Variants in MKLN1 observed in about 807,000 individuals in gnomAD.
MKLN1 encodes muskelin 1.
In MKLN1, 18 loss-of-function variants were observed where a neutral mutation model predicts 99.0. The observed-to-expected ratio is 0.18, with a 90% CI of 0.13 to 0.27. The LOEUF is 0.27. MKLN1 is among the 10% of genes least tolerant of loss of function. The pLI, the probability that MKLN1 is intolerant of heterozygous loss-of-function variation, is 1.00. For missense variants in MKLN1, 621 were observed against 875.9 expected, an observed-to-expected ratio of 0.71 and a Z score of 3.67; for synonymous variants, 288 against 293.2, an observed-to-expected ratio of 0.98 and a Z score of 0.18.
intron 1 of MKLN1, among the ~76,000 whole-genome samples, chr7:131,360,001 G>C (rs1172800437): frequency 6.6e-6 from 1 of 151,902 alleles, no homozygotes; most frequent in Non-Finnish European, 1.5e-5. Flanking sequence ...CACCCGCCTC[G>C]GCCTCCCAAA....
At chr7:131,175,536 G>T (rs1324380582) in intron 2 of MKLN1, among the ~76,000 whole-genome samples, 2 of 152,198 alleles carry the variant, frequency 1.3e-5, no homozygotes, top group East Asian at 3.8e-4. Context: ...AGTTAGGAAA[G>T]ATTTTGGACA....
chr7:131,386,721 A>T (rs1013902504), intron 2 of MKLN1, among the ~76,000 whole-genome samples: 1 of 152,232 alleles, frequency 6.6e-6, no homozygotes, highest in African/African-American at 2.4e-5. Flanking sequence ...TGCCGCTTTC[A>T]AACATTGGTT....
intron 1 of MKLN1, among the ~76,000 whole-genome samples, chr7:131,360,712 T>G (rs1188915734): frequency 2.0e-5 from 3 of 152,170 alleles, no homozygotes; most frequent in Non-Finnish European, 4.4e-5. Flanking sequence ...AAATACATGT[T>G]TTAATTTTAT....
At chr7:131,275,546 TATATATATATATATATATA>T (rs1420928170) in intron 3 of MKLN1, among the ~76,000 whole-genome samples, 1 of 19,698 alleles carries the variant, frequency 5.1e-5, no homozygotes, top group African/African-American at 1.9e-4. Flanking sequence ...TATATATATA[TATATATATATATATATATA>T]TATTTTTTTT....
Position 131,283,392 on chromosome 7 carries a change from CCTTCCTTCCTCT to C in MKLN1, c.-179+80421_-179+80432del, listed in dbSNP as rs1397973678. 9.8e-3 allele frequency among the ~76,000 whole-genome samples: 961 copies of C among 98,418 alleles called. 3 individuals carry two copies. Among genetic ancestry groups the C allele is most frequent in the East Asian group, 0.029 (80 of 2,774 alleles). 64.6% of individuals were successfully genotyped at this position (98,418 alleles called of 152,430 possible). The stretch of plus-strand genomic sequence containing the variant: ...TCCTTCCTTCCTTCCTTCCTTCCTT[CCTTCCTTCCTCT>C]CTCTCTCTTTACTGCTTTCTTTCTT... On this transcript the variant is annotated intron_variant, in intron 3 of 7. Coordinates refer to the MKLN1 transcript ENST00000416992.
chr7:131,447,237 T>C (rs1796042067), intron 12 of MKLN1, among the ~76,000 whole-genome samples: 1 of 152,220 alleles, frequency 6.6e-6, no homozygotes, highest in Non-Finnish European at 1.5e-5. Flanking sequence ...AATAGCAGCT[T>C]AGCATGTGAT....
intron 3 of MKLN1, among the ~76,000 whole-genome samples, chr7:131,262,132 AT>A (rs201151870): frequency 2.6e-5 from 4 of 151,774 alleles, no homozygotes; most frequent in East Asian, 1.9e-4. Context: ...CTAAAAAAAG[AT>A]TTTTTTTTAA....
Position 131,487,736 on chromosome 7 carries a change from G to A in MKLN1, c.*8G>A. ...GACCTCATCACACTGTAACTGAAGA[G>A]TCACTGGACACAGAAATGGAAAACA... On this transcript the variant is annotated 3_prime_UTR_variant, in exon 18 of 18. Transcript: ENST00000352689. This position sits in a 1 kb window ranked among gnomAD's most constrained non-coding sequence, Gnocchi z 4.7. The A allele has an allele frequency of 6.2e-7, 1 of 1,606,366 alleles. No homozygotes were observed. Among genetic ancestry groups the A allele is most frequent in the Non-Finnish European group, 8.5e-7 (1 of 1,177,498 alleles).
chr7:131,368,792 A>G (rs2066043422), intron 1 of MKLN1, among the ~76,000 whole-genome samples: 1 of 152,204 alleles, frequency 6.6e-6, no homozygotes, highest in African/African-American at 2.4e-5. Context: ...GTTTGCTGTC[A>G]TGTCAACTAT....
chr7:131,174,098 G>A lies in MKLN1; in HGVS notation c.-296-28759G>A, dbSNP rs889890670. 5.4e-5 allele frequency among the ~76,000 whole-genome samples: 8 copies of A among 147,740 alleles called. No homozygotes were observed. The Admixed American group carries it at 5.5e-4, about 10-fold the overall frequency. On this transcript the variant is annotated intron_variant, in intron 2 of 7. Coordinates refer to the MKLN1 transcript ENST00000416992. ...CGCCATTCTCCCGCCTCAGCCTCCC[G>A]AGTAGCTGGGACTACAGGTGCCCGC...
rs1797548129 is a variant in MKLN1 at position 131,495,990 on chromosome 7, A to G, written c.*8262A>G. ...ATGAGCTATTGTCAAAAGCCAAAAG[A>G]AAAACAGACAAAATGAACATGAAGC... is the stretch of plus-strand genomic sequence containing the variant. On this transcript the variant is annotated 3_prime_UTR_variant, in exon 18 of 18. Coordinates refer to ENST00000352689, the MANE Select transcript of MKLN1 (RefSeq NM_013255.5). The G allele has an allele frequency of 6.6e-6, 1 of 151,296 alleles. No homozygotes were observed. Among genetic ancestry groups the G allele is most frequent in the African/African-American group, 2.5e-5 (1 of 40,558 alleles). The allele number at this position is 151,296 out of a possible 1,614,324, so 9.4% of individuals were successfully genotyped here.
intron 1 of MKLN1, among the ~76,000 whole-genome samples, chr7:131,116,272 A>G (rs1196137283): frequency 1.3e-5 from 2 of 152,060 alleles, no homozygotes; most frequent in Admixed American, 1.3e-4. Context: ...ATCAAGAATC[A>G]GTCTTAGTGT....
chr7:131,206,642 A>G (rs1322085291), intron 3 of MKLN1, among the ~76,000 whole-genome samples: 2 of 151,516 alleles, frequency 1.3e-5, no homozygotes, highest in South Asian at 4.2e-4. Flanking sequence ...TGCAACCTCA[A>G]ACTCCTGGGT....
chr7:131,174,953 TGATAGATAGATAGATA>T (rs150554970), intron 2 of MKLN1, among the ~76,000 whole-genome samples: 1,849 of 140,986 alleles, frequency 0.013, 14 homozygotes, highest in African/African-American at 0.027. Context: ...AACTGGTAGA[TGATAGATAGATAGATA>T]GATAGATAGA....
chr7:131,361,640 A>T (rs1374118072), intron 1 of MKLN1, among the ~76,000 whole-genome samples: 2 of 148,610 alleles, frequency 1.3e-5, no homozygotes, highest in African/African-American at 5.0e-5. Context: ...TTTAACACTT[A>T]AATCTCTCTG....
chr7:131,270,837 A>T (rs1584880789), intron 3 of MKLN1, among the ~76,000 whole-genome samples: 1 of 151,686 alleles, frequency 6.6e-6, no homozygotes, highest in African/African-American at 2.4e-5. Flanking sequence ...AGCTTATTTT[A>T]AAAAATGGAT....
At chr7:131,319,229 T>C (rs1243436144) in intron 3 of MKLN1, among the ~76,000 whole-genome samples, 1 of 152,092 alleles carries the variant, frequency 6.6e-6, no homozygotes, top group Non-Finnish European at 1.5e-5. Context: ...CAGCAGCACA[T>C]CAAAAAGCTT....
At chr7:131,355,565 C>A (rs556912050) in intron 1 of MKLN1, among the ~76,000 whole-genome samples, 1 of 149,954 alleles carries the variant, frequency 6.7e-6, no homozygotes, top group Non-Finnish European at 1.5e-5. Flanking sequence ...TCTTCTCTTG[C>A]ATTATATCTT....
intron 14 of MKLN1, among the ~76,000 whole-genome samples, chr7:131,465,782 G>A (rs545043126): frequency 3.3e-5 from 5 of 152,118 alleles, no homozygotes; most frequent in African/African-American, 9.6e-5. Context: ...CTCATGATCC[G>A]CCTGCCTCGG....
Sources: gnomAD v4.1 joint callset for allele counts (sites outside exome capture counted in the v4.1 genomes callset) on GRCh38, gnomAD v4.1.1 for gene constraint, Gnocchi (gnomAD v3.1) non-coding constraint, MANE v1.5 for transcripts, NCBI Gene and HGNC (gene_info 2026-07-23, HGNC 2026-07-21) for gene names.